The following ADAMTS6 variants were observed in gnomAD, a reference collection of about 807,000 sequenced individuals.
The protein encoded by ADAMTS6 is ADAM metallopeptidase with thrombospondin type 1 motif 6, also known as A disintegrin and metalloproteinase with thrombospondin motifs 6.
A neutral mutation model predicts 144.3 loss-of-function variants in ADAMTS6; 23 were observed. The ratio of observed to expected loss-of-function variants is 0.16; its 90% confidence interval spans 0.11 to 0.23. The LOEUF (loss-of-function observed/expected upper bound fraction) is 0.23. Ranked by LOEUF, ADAMTS6 falls within the 10% of genes least tolerant of loss-of-function variation. ADAMTS6 has a pLI of 1.00. For synonymous variants in ADAMTS6, 444 were observed against 457.5 expected (o/e 0.97, Z 0.38); for missense variants, 999 against 1,379.6 (o/e 0.72, Z 4.37).
chr5:65,370,648 G>A (rs1750790508), intron 7 of ADAMTS6, among the ~76,000 whole-genome samples: 1 of 152,190 alleles, frequency 6.6e-6, no homozygotes, highest in Non-Finnish European at 1.5e-5. Flanking sequence ...CTCGCTGATT[G>A]CTAGCACAGA....
chr5:65,401,231 A>G lies in ADAMTS6; in HGVS notation c.1073+50244T>C, dbSNP rs80144235. 5.8e-3 allele frequency among the ~76,000 whole-genome samples: 885 copies of G among 152,290 alleles called. 11 individuals carry two copies. The highest frequency in any genetic ancestry group is 0.02 in the African/African-American group (850 of 41,552). On this transcript the variant is annotated intron_variant, in intron 7 of 24. Coordinates refer to ENST00000381055, the MANE Select transcript of ADAMTS6 (RefSeq NM_197941.4). ...TCCTACAATTAGGTCTCAGCCTTTC[A>G]GTGCACCTATGCCTCTGAACTCTTG...
At chr5:65,408,256 G>C (rs907341031) in intron 7 of ADAMTS6, among the ~76,000 whole-genome samples, 37 of 152,148 alleles carry the variant, frequency 2.4e-4, no homozygotes, top group African/African-American at 8.2e-4. Flanking sequence ...GGAAACCCAT[G>C]TTACGTGCAG....
intron 20 of ADAMTS6, among the ~76,000 whole-genome samples, chr5:65,206,722 A>G (rs1246743360): frequency 1.4e-5 from 2 of 143,502 alleles, no homozygotes; most frequent in Non-Finnish European, 3.1e-5. Context: ...AAAAAAAAAG[A>G]ATCAGGTAAA....
Position 65,230,828 on chromosome 5 carries a change from T to TGAAATATATATATAATACATATGTATG in ADAMTS6, c.1934-4610_1934-4609insCATACATATGTATTATATATATATTTC, listed in dbSNP as rs370482865. On this transcript the variant is annotated intron_variant, in intron 15 of 24. Coordinates refer to ENST00000381055, the MANE Select transcript of ADAMTS6 (RefSeq NM_197941.4). ...GAAATATATATATAATACATATGTA[T>TGAAATATATATATAATACATATGTATG]AAATATATATATAATACATATATAT... Among the ~76,000 whole-genome samples the TGAAATATATATATAATACATATGTATG allele has an allele frequency of 4.8e-3, 275 of 57,646 alleles. 35 individuals carry two copies. Among genetic ancestry groups the TGAAATATATATATAATACATATGTATG allele is most frequent in the African/African-American group, 0.017 (257 of 14,980 alleles). The allele number at this position is 57,646 out of a possible 152,430, so 37.8% of individuals were successfully genotyped here.
intron 9 of ADAMTS6, among the ~76,000 whole-genome samples, chr5:65,326,460 T>G (rs2150052407): frequency 6.6e-6 from 1 of 152,300 alleles, no homozygotes; most frequent in African/African-American, 2.4e-5. Flanking sequence ...CACTAAGGCT[T>G]AGCCAAAGAA....
At chr5:65,258,189 AT>A (rs1760859634) in intron 14 of ADAMTS6, among the ~76,000 whole-genome samples, 1 of 152,122 alleles carries the variant, frequency 6.6e-6, no homozygotes, top group Non-Finnish European at 1.5e-5. Flanking sequence ...GAGGGTTGCA[AT>A]TTTAAGTTCA....
chr5:65,430,425 C>T (rs1460672354), intron 7 of ADAMTS6, among the ~76,000 whole-genome samples: 1 of 152,150 alleles, frequency 6.6e-6, no homozygotes, highest in Non-Finnish European at 1.5e-5. Context: ...AATGTGCCTA[C>T]TTGGAACACT....
chr5:65,174,522 C>T (rs1336433372), intron 22 of ADAMTS6, among the ~76,000 whole-genome samples: 5 of 152,138 alleles, frequency 3.3e-5, no homozygotes, highest in Non-Finnish European at 7.4e-5. Context: ...GGCTGAACAC[C>T]GGGAAGGAAC....
chr5:65,404,366 A>C (rs1035493348), intron 7 of ADAMTS6, among the ~76,000 whole-genome samples: 1 of 152,000 alleles, frequency 6.6e-6, no homozygotes, highest in Non-Finnish European at 1.5e-5. Context: ...TCATGGTTCA[A>C]TTGCCACCTA....
At chr5:65,354,006 T>C (rs1436272157) in intron 7 of ADAMTS6, among the ~76,000 whole-genome samples, 1 of 152,048 alleles carries the variant, frequency 6.6e-6, no homozygotes, top group African/African-American at 2.4e-5. Flanking sequence ...CATGGTTTCT[T>C]CCATACGTGT....
chr5:65,158,210 T>C (rs1273652214), intron 24 of ADAMTS6, among the ~76,000 whole-genome samples: 2 of 152,220 alleles, frequency 1.3e-5, no homozygotes, highest in Non-Finnish European at 2.9e-5. Flanking sequence ...TTATCGTTCC[T>C]TTACTGATTT....
At chr5:65,405,338 G>A (rs1242314483) in intron 7 of ADAMTS6, among the ~76,000 whole-genome samples, 1 of 152,098 alleles carries the variant, frequency 6.6e-6, no homozygotes, top group Non-Finnish European at 1.5e-5. Flanking sequence ...TGTAAGGAAG[G>A]GATCCAGTTT....
intron 7 of ADAMTS6, among the ~76,000 whole-genome samples, chr5:65,438,147 G>A (rs1035022135): frequency 2.0e-5 from 3 of 152,058 alleles, no homozygotes; most frequent in Non-Finnish European, 4.4e-5. Flanking sequence ...ATTTCCCAAG[G>A]TTTTATTCAT....
At chr5:65,304,326 G>C (rs2112815493) in intron 9 of ADAMTS6, among the ~76,000 whole-genome samples, 1 of 152,304 alleles carries the variant, frequency 6.6e-6, no homozygotes, top group Admixed American at 6.5e-5. Context: ...GGACGTTCAG[G>C]CTGGAGTATA....
Position 65,273,370 on chromosome 5 carries a change from T to A in ADAMTS6, c.1590A>T (p.Thr530=), listed in dbSNP as rs1265750340. 6.2e-7 allele frequency: 1 copy of A among 1,613,926 alleles called. No individual in the cohort carries two copies. ...TTTCAATATTCCCAGTTTGACACAG[T>A]GTCCCCTCAGCTGCTGGAATACTGT... ...VTNSIPAAEG[T]LCQTGNIEKG... The change falls in exon 12 of 25, where the codon ACA becomes ACT. Residue 530 remains threonine (T), a synonymous_variant. Coordinates refer to ENST00000381055, the MANE Select transcript of ADAMTS6 (RefSeq NM_197941.4).
chr5:65,382,482 A>C (rs1038866276), intron 7 of ADAMTS6, among the ~76,000 whole-genome samples: 1 of 152,214 alleles, frequency 6.6e-6, no homozygotes, highest in Non-Finnish European at 1.5e-5. Flanking sequence ...ATTCAATTTT[A>C]ATTTCTATGT....
chr5:65,372,069 T>C (rs1750991426), intron 7 of ADAMTS6, among the ~76,000 whole-genome samples: 1 of 151,668 alleles, frequency 6.6e-6, no homozygotes, highest in Non-Finnish European at 1.5e-5. Flanking sequence ...GACAAGCAAA[T>C]GCTGAGAGAT....
At chr5:65,195,496 T>G (rs1000269854) in intron 21 of ADAMTS6, among the ~76,000 whole-genome samples, 2 of 152,222 alleles carry the variant, frequency 1.3e-5, no homozygotes, top group Admixed American at 1.3e-4. Flanking sequence ...AAGGGACTAG[T>G]AGTGAGTATC....
At chr5:65,417,678 G>A (rs1283075935) in intron 7 of ADAMTS6, among the ~76,000 whole-genome samples, 2 of 151,926 alleles carry the variant, frequency 1.3e-5, no homozygotes, top group Non-Finnish European at 2.9e-5. Context: ...TAAACAAGGA[G>A]GTAAAAGATC....
Sources: gnomAD v4.1 joint callset for allele counts (sites outside exome capture counted in the v4.1 genomes callset) on GRCh38, gnomAD v4.1.1 for gene constraint, MANE v1.5 for transcripts, NCBI Gene and HGNC (gene_info 2026-07-23, HGNC 2026-07-21) for gene names.